HHLA1: variants seen among roughly 807,000 people sequenced by gnomAD.
HHLA1 encodes HHLA1 neighbor of OC90, also known as HERV-H LTR-associating protein 1.
In HHLA1, 72 loss-of-function variants were observed where a neutral mutation model predicts 69.9. That is an observed-to-expected ratio of 1.03 (90% CI 0.85 to 1.25). The LOEUF (loss-of-function observed/expected upper bound fraction) is 1.25, where lower values mean the gene tolerates loss of function less well. HHLA1 is among the 50% of genes most tolerant of loss of function. The pLI is 0.00. For synonymous variants in HHLA1, 252 were observed against 233.2 expected (o/e 1.08, Z -0.73); for missense variants, 685 against 642.2 (o/e 1.07, Z -0.72).
chr8:132,076,106 A>T lies in HHLA1; in HGVS notation c.1264T>A (p.Phe422Ile). 6.4e-7 allele frequency: 1 copy of T among 1,551,392 alleles called. No individual in the cohort carries two copies. The highest frequency in any genetic ancestry group is 8.7e-7 in the Non-Finnish European group (1 of 1,146,912). The change falls in exon 14 of 17, where the codon TTC becomes ATC. Residue 422 changes from phenylalanine (F) to isoleucine (I), a missense_variant. By Grantham distance (21) the Phe-to-Ile change is conservative. Transcript: ENST00000414222. ...QTGDLSAEWP[F>I]TAGEEPVLVP... ...AGGACTGGCTCTTCACCAGCAGTGA[A>T]TGGCCACTCTGCAGAGAGATCACCT...
In HHLA1 at chr8:132,084,901, A is replaced by G. The variant is rs375165909; in HGVS notation, c.676+2752T>C. ...GGGGGTTCTTGCCGCCTAGGAAAGC[A>G]GGACTTGCCGCTAAGGGTGAAGGAG... On this transcript the variant is annotated intron_variant, in intron 10 of 16. Transcript: ENST00000414222. Among the ~76,000 whole-genome samples the G allele has an allele frequency of 5.7e-3, 868 of 151,996 alleles. 7 individuals carry two copies. The highest frequency in any genetic ancestry group is 0.02 in the African/African-American group (837 of 41,382).
rs186459108 is a variant in HHLA1, at chr8:132,101,464, C to T, written c.140-1330G>A. On this transcript the variant is annotated intron_variant, in intron 3 of 16. Coordinates refer to ENST00000414222, the MANE Select transcript of HHLA1 (RefSeq NM_001145095.3). ...TGGCTAAGATAAAATCAGAAAAGAGCAATCTCAACTCTTTGTCCATGTTCT... is the reference window on the plus strand; with the variant it reads ...TGGCTAAGATAAAATCAGAAAAGAGTAATCTCAACTCTTTGTCCATGTTCT... 1.1e-4 allele frequency among the ~76,000 whole-genome samples: 17 copies of T among 152,224 alleles called. 1 individual carries two copies. The East Asian group carries it at 3.1e-3, about 28-fold the overall frequency.
At chr8:132,088,172 T>A (rs767263468) in intron 8 of HHLA1, among the ~76,000 whole-genome samples, 40 of 152,308 alleles carry the variant, frequency 2.6e-4, no homozygotes, top group Non-Finnish European at 5.1e-4. Flanking sequence ...CAAACATGAA[T>A]GAATTGCTTG....
intron 15 of HHLA1, among the ~76,000 whole-genome samples, chr8:132,068,100 T>C (rs1823470837): frequency 6.6e-6 from 1 of 152,208 alleles, no homozygotes; most frequent in Non-Finnish European, 1.5e-5. Context: ...TCAAGCAACT[T>C]TGGGGCATGA....
intron 3 of HHLA1, among the ~76,000 whole-genome samples, chr8:132,103,184 C>G (rs1249906580): frequency 6.6e-6 from 1 of 152,102 alleles, no homozygotes; most frequent in Non-Finnish European, 1.5e-5. Context: ...GGAAAGTTAT[C>G]CTACTTACAC....
intron 16 of HHLA1, among the ~76,000 whole-genome samples, chr8:132,065,504 G>A (rs562128521): frequency 3.3e-5 from 5 of 152,134 alleles, no homozygotes; most frequent in African/African-American, 7.2e-5. Flanking sequence ...GGATGGTCTC[G>A]ATCTCCTGAC....
intron 7 of HHLA1, among the ~76,000 whole-genome samples, chr8:132,091,175 T>C (rs1363058754): frequency 6.6e-6 from 1 of 152,374 alleles, no homozygotes; most frequent in South Asian, 2.1e-4. Context: ...GCATTTGCAG[T>C]GTGCCATACA....
intron 3 of HHLA1, among the ~76,000 whole-genome samples, chr8:132,102,223 T>A (rs1428854448): frequency 6.6e-6 from 1 of 152,264 alleles, no homozygotes; most frequent in Non-Finnish European, 1.5e-5. Flanking sequence ...TATACCACAT[T>A]TCCTTTTCCT....
At chr8:132,110,431 T>C (rs751395631) in intron 1 of HHLA1, among the ~76,000 whole-genome samples, 6 of 152,122 alleles carry the variant, frequency 3.9e-5, no homozygotes, top group Non-Finnish European at 5.9e-5. Flanking sequence ...CACCAAAAGG[T>C]GAGGGGCTGG....
chr8:132,062,469 C>T lies in HHLA1; in HGVS notation c.*1526G>A, dbSNP rs1823368860. On this transcript the variant is annotated 3_prime_UTR_variant, in exon 17 of 17. Transcript: ENST00000414222. The stretch of plus-strand genomic sequence containing the variant: ...TAGATGATGAACAGAAAGTGACTTT[C>T]CTCACCCAAGGGCAGCCCTAGGTCA... The T allele has an allele frequency of 6.6e-6, 1 of 152,150 alleles. No individual in the cohort carries two copies. Among genetic ancestry groups the T allele is most frequent in the African/African-American group, 2.4e-5 (1 of 41,424 alleles). The allele number at this position is 152,150 out of a possible 1,614,324, so 9.4% of individuals were successfully genotyped here. A position where few individuals can be genotyped will look rare whatever the true frequency, so the allele number is the denominator to read the frequency against.
At chr8:132,076,727 G>A (rs761406191) in intron 12 of HHLA1, among the ~76,000 whole-genome samples, 184 bp from the exon 13 acceptor site, 1 of 152,112 alleles carries the variant, frequency 6.6e-6, no homozygotes, top group Non-Finnish European at 1.5e-5. Flanking sequence ...AAAAGGAAAT[G>A]GGAAAATCCC....
In HHLA1 at chr8:132,105,716, C is replaced by T. The variant is rs140264667; in HGVS notation, c.-21-430G>A. Among the ~76,000 whole-genome samples the T allele has an allele frequency of 2.9e-3, 448 of 152,302 alleles. 3 individuals carry two copies. The highest frequency in any genetic ancestry group is 0.01 in the African/African-American group (426 of 41,566). On this transcript the variant is annotated intron_variant, in intron 1 of 16. Coordinates refer to ENST00000414222, the MANE Select transcript of HHLA1 (RefSeq NM_001145095.3). Reference sequence around the variant, plus strand: ...TTGCTTGCAGCCCATACCAAAATTACTTATATGACCCTGCATTATTGCAGG... The same window carrying T: ...TTGCTTGCAGCCCATACCAAAATTATTTATATGACCCTGCATTATTGCAGG...
chr8:132,089,881 C>T (rs1351882534), intron 7 of HHLA1, among the ~76,000 whole-genome samples: 1 of 152,192 alleles, frequency 6.6e-6, no homozygotes, highest in Non-Finnish European at 1.5e-5. Context: ...CTATGAAGGG[C>T]CACATTGTTG....
chr8:132,064,041 GA>G lies in HHLA1; in HGVS notation c.1553-4del, dbSNP rs778860419. 1.0e-5 allele frequency: 13 copies of G among 1,298,424 alleles called. No homozygotes were observed. The East Asian group carries it at 1.7e-4, about 17-fold the overall frequency. The allele number at this position is 1,298,424 out of a possible 1,614,324, so 80.4% of individuals were successfully genotyped here. On this transcript the variant is annotated splice_polypyrimidine_tract_variant and splice_region_variant and intron_variant, in intron 16 of 16. Transcript: ENST00000414222. ...CTCAAGGCACTTTTGCTTTAAGGCT[GA>G]AAAAAAAGCAGAAGAAGAAGGAACT...
chr8:132,070,234 A>G, intron 15 of HHLA1: 1 of 676,176 alleles, frequency 1.5e-6, no homozygotes, highest in South Asian at 1.6e-5. Flanking sequence ...CCAAGAATAA[A>G]TCCCAGAAGA....
intron 15 of HHLA1, among the ~76,000 whole-genome samples, chr8:132,066,237 A>G (rs1415231531): frequency 1.3e-5 from 2 of 152,160 alleles, no homozygotes; most frequent in African/African-American, 2.4e-5. Context: ...TGATAACTTA[A>G]TTCTCTGGAC....
At chr8:132,076,166 T>C in intron 13 of HHLA1, 37 bp from the exon 14 acceptor site, 1 of 1,419,378 alleles carries the variant, frequency 7.0e-7, no homozygotes, top group Non-Finnish European at 9.7e-7. Context: ...GAAGTCAGAA[T>C]GGAATTACCT....
At chr8:132,076,419 T>TGCCCCC in intron 13 of HHLA1, 56 bp downstream of exon 13, 2 of 596,562 alleles carry the variant, frequency 3.4e-6, no homozygotes, top group East Asian at 3.3e-5. Flanking sequence ...TCCCCAAGCT[T>TGCCCCC]CCCACCCCTC....
At chr8:132,096,521 T>TA (rs1035734277) in intron 5 of HHLA1, among the ~76,000 whole-genome samples, 2 of 152,216 alleles carry the variant, frequency 1.3e-5, no homozygotes, top group African/African-American at 4.8e-5. Flanking sequence ...GATTTTTTTT[T>TA]AAACCAGGAA....
Sources: allele counts gnomAD v4.1 joint callset (sites outside exome capture counted in the v4.1 genomes callset), GRCh38; gene constraint gnomAD v4.1.1; transcripts MANE v1.5; gene names NCBI Gene and HGNC (gene_info 2026-07-23, HGNC 2026-07-21).